Variants in DOCK10 observed in about 807,000 individuals in gnomAD.
The protein encoded by DOCK10 is dedicator of cytokinesis protein 10.
DOCK10 carries 145 observed loss-of-function variants against 280.1 expected under a neutral mutation model. The ratio of observed to expected loss-of-function variants is 0.52; its 90% CI spans 0.45 to 0.59. The LOEUF (loss-of-function observed/expected upper bound fraction) is 0.59. Ranked by LOEUF, DOCK10 falls within the 20% of genes least tolerant of loss-of-function variation. DOCK10 has a pLI of 0.00. For missense variants in DOCK10, 2,368 were observed against 2,651.7 expected (o/e 0.89, Z 2.35); for synonymous variants, 915 against 942.2 (o/e 0.97, Z 0.53).
chr2:224,990,902 G>T (rs1401170235), intron 1 of DOCK10, among the ~76,000 whole-genome samples: 1 of 152,230 alleles, frequency 6.6e-6, no homozygotes, highest in African/African-American at 2.4e-5. Flanking sequence ...AACCAGAAAA[G>T]GATGTCACGT....
Position 225,042,155 on chromosome 2 carries a change from G to A in DOCK10, c.123+97C>T. The A allele has an allele frequency of 1.7e-6, 2 of 1,187,674 alleles. No homozygotes were observed. Among genetic ancestry groups the A allele is most frequent in the Non-Finnish European group, 2.1e-6 (2 of 953,966 alleles). The allele number at this position is 1,187,674 out of a possible 1,614,324, so 73.6% of individuals were successfully genotyped here. On this transcript the variant is annotated intron_variant, in intron 1 of 55. Transcript: ENST00000258390. This position sits in a 1 kb window ranked among gnomAD's most constrained non-coding sequence, Gnocchi z 5.1. ...GCGGAGGAGAGGACCCGTGAGCTGC[G>A]GGGACCTGGGCCCGCCGAGCTTTTG...
intron 4 of DOCK10, among the ~76,000 whole-genome samples, chr2:224,894,258 T>C (rs958247386): frequency 2.6e-5 from 4 of 152,238 alleles, no homozygotes; most frequent in Non-Finnish European, 5.9e-5. Context: ...GCTTTCTCCA[T>C]TGTTTTAACA....
At chr2:224,936,410 T>C (rs1288301168) in intron 1 of DOCK10, among the ~76,000 whole-genome samples, 2 of 152,186 alleles carry the variant, frequency 1.3e-5, no homozygotes, top group Non-Finnish European at 2.9e-5. Flanking sequence ...ACAGTGGTTC[T>C]AGATTCATAG....
intron 25 of DOCK10, among the ~76,000 whole-genome samples, chr2:224,835,055 T>C (rs16866209): frequency 0.1 from 15,958 of 152,260 alleles, 1,019 homozygotes; most frequent in Middle Eastern, 0.19. Context: ...AATGGCTTAA[T>C]GTAGAGGCAC....
At chr2:225,016,611 ATATC>A (rs1689603969) in intron 1 of DOCK10, among the ~76,000 whole-genome samples, 1 of 83,792 alleles carries the variant, frequency 1.2e-5, no homozygotes, top group Non-Finnish European at 2.5e-5. Flanking sequence ...ATAGATACAT[ATATC>A]TATGTGCACA....
At chr2:224,971,011 A>C (rs1028502442) in intron 1 of DOCK10, among the ~76,000 whole-genome samples, 2 of 152,228 alleles carry the variant, frequency 1.3e-5, no homozygotes, top group African/African-American at 4.8e-5. Flanking sequence ...AGACCTGAAC[A>C]AATACCCTTG....
rs1691958045 is a variant in DOCK10 at position 224,789,056 on chromosome 2, G to T, written c.5418+8C>A. ...TCGTTACTGTACATGAGATAATTTT[G>T]GTCTAACCTCATTGTATGGTGTATC... On this transcript the variant is annotated splice_region_variant and intron_variant, in intron 48 of 55. Transcript: ENST00000258390. 2 of 1,567,064 alleles carry T rather than the reference G, an allele frequency of 1.3e-6. No individual in the cohort carries two copies. Among genetic ancestry groups the T allele is most frequent in the African/African-American group, 2.7e-5 (2 of 73,872 alleles).
In DOCK10 at chr2:225,042,357, G is replaced by C. The variant is rs1345852045; in HGVS notation, c.18C>G (p.Thr6=). The change falls in exon 1 of 56, where the codon ACC becomes ACG. Residue 6 remains threonine (T), a synonymous_variant. Transcript: ENST00000258390. This position sits in a 1 kb window ranked among gnomAD's most constrained non-coding sequence, Gnocchi z 5.1. MAGER[T]RRFTRSLLRP... Reference sequence around the variant, plus strand: ...TCAACAGGCTCCGGGTGAACCTGCGGGTCCGCTCACCGGCCATCGCCGGTC... The same window carrying C: ...TCAACAGGCTCCGGGTGAACCTGCGCGTCCGCTCACCGGCCATCGCCGGTC... 7.8e-7 allele frequency: 1 copy of C among 1,285,754 alleles called. No homozygotes were observed. Among genetic ancestry groups the C allele is most frequent in the Non-Finnish European group, 9.9e-7 (1 of 1,014,428 alleles). 79.6% of individuals were successfully genotyped at this position (1,285,754 alleles called of 1,614,324 possible).
chr2:224,775,854 T>C (rs1456687298), intron 51 of DOCK10, among the ~76,000 whole-genome samples: 1 of 152,246 alleles, frequency 6.6e-6, no homozygotes, highest in Non-Finnish European at 1.5e-5. Flanking sequence ...ATTTTACCCA[T>C]GTATCTAGAC....
At chr2:224,972,528 C>T (rs908877418) in intron 1 of DOCK10, among the ~76,000 whole-genome samples, 2 of 152,124 alleles carry the variant, frequency 1.3e-5, no homozygotes, top group Non-Finnish European at 2.9e-5. Flanking sequence ...GATTACAAAT[C>T]TGTAATAAAA....
At chr2:224,773,959 T>C (rs909459959) in intron 52 of DOCK10, among the ~76,000 whole-genome samples, 1 of 152,194 alleles carries the variant, frequency 6.6e-6, no homozygotes, top group South Asian at 2.1e-4. Flanking sequence ...ACTGAAAAGA[T>C]TAAAGCTTCC....
rs900107447 is a variant in DOCK10 at position 224,868,212 on chromosome 2, T to A, written c.1258-3125A>T. ...ACAAAACAAATGAAAAAATTTTAAA[T>A]GTTGCCAGAGTATCACAGAAGCAAA... is the stretch of plus-strand genomic sequence containing the variant. On this transcript the variant is annotated intron_variant, in intron 11 of 55. Coordinates refer to ENST00000258390, the MANE Select transcript of DOCK10 (RefSeq NM_014689.3). Among the ~76,000 whole-genome samples the A allele has an allele frequency of 5.3e-4, 81 of 152,158 alleles. 1 individual carries two copies. The highest frequency in any genetic ancestry group is 1.9e-3 in the African/African-American group (78 of 41,440).
intron 28 of DOCK10, among the ~76,000 whole-genome samples, chr2:224,821,592 CAAAT>C (rs1051569291): frequency 2.0e-5 from 3 of 151,988 alleles, no homozygotes; most frequent in African/African-American, 7.2e-5. Flanking sequence ...TATTATGTGT[CAAAT>C]AAATGCCATT....
At position 224,885,671 on chromosome 2, in the gene DOCK10, C is replaced by T. The variant is rs768191186; in HGVS notation, c.747G>A (p.Gln249=). The change falls in exon 7 of 56, where the codon CAG becomes CAA. Residue 249 remains glutamine, a splice_region_variant and synonymous_variant. Coordinates refer to ENST00000258390, the MANE Select transcript of DOCK10 (RefSeq NM_014689.3). ...AGGAGGAAAAGGGATGTCTACTCAC[C>T]TGCACCACTCCTGTACAGGAATCCA... is the stretch of plus-strand genomic sequence containing the variant. ...IFLDSCTGVV[Q]NNRLRKYAFE... 8.7e-6 allele frequency: 14 copies of T among 1,601,960 alleles called. No individual in the cohort carries two copies. The highest frequency in any genetic ancestry group is 6.7e-5 in the African/African-American group (5 of 74,592).
chr2:224,808,291 A>G (rs1693531198), intron 31 of DOCK10, among the ~76,000 whole-genome samples: 1 of 152,218 alleles, frequency 6.6e-6, no homozygotes, highest in Admixed American at 6.5e-5. Flanking sequence ...ACACAAATAC[A>G]GGTACAAACT....
At chr2:224,814,498 T>C (rs1391881781) in intron 30 of DOCK10, 134 bp from the exon 31 acceptor site, 1 of 451,056 alleles carries the variant, frequency 2.2e-6, no homozygotes, top group African/African-American at 2.0e-5. Flanking sequence ...TATTGCCAGT[T>C]TTCAAGGAGA....
chr2:224,980,282 A>G (rs755758842), intron 1 of DOCK10, among the ~76,000 whole-genome samples: 1 of 152,216 alleles, frequency 6.6e-6, no homozygotes, highest in Non-Finnish European at 1.5e-5. Flanking sequence ...AAGGATTTGC[A>G]TGAATGAAAA....
intron 44 of DOCK10, among the ~76,000 whole-genome samples, chr2:224,795,617 CA>C (rs1288691037): frequency 6.6e-6 from 1 of 152,128 alleles, no homozygotes; most frequent in East Asian, 1.9e-4. Flanking sequence ...AGAACATGCC[CA>C]GGGGGATAGC....
intron 15 of DOCK10, among the ~76,000 whole-genome samples, chr2:224,856,289 T>C (rs13007590): frequency 6.9e-6 from 1 of 143,918 alleles, no homozygotes; most frequent in Non-Finnish European, 1.5e-5. Flanking sequence ...ATGGGTTTTG[T>C]AAGAGTTTTT....
Sources: gnomAD v4.1 joint callset for allele counts (sites outside exome capture counted in the v4.1 genomes callset) on GRCh38, gnomAD v4.1.1 for gene constraint, Gnocchi (gnomAD v3.1) non-coding constraint, MANE v1.5 for transcripts, NCBI Gene and HGNC (gene_info 2026-07-23, HGNC 2026-07-21) for gene names.